CGGBP1: variants seen among roughly 807,000 people sequenced by gnomAD.
The protein encoded by CGGBP1 is CGG triplet repeat binding protein 1.
Under a neutral mutation model 11.4 loss-of-function variants are expected in CGGBP1, and 4 were observed. That is an observed-to-expected ratio of 0.35 (90% confidence interval 0.17 to 0.80). CGGBP1 has a LOEUF of 0.80. Ranked by LOEUF, CGGBP1 falls within the 30% of genes least tolerant of loss-of-function variation. CGGBP1 has a pLI of 0.52. For synonymous variants in CGGBP1, 76 were observed against 74.1 expected (o/e 1.03, Z -0.13); for missense variants, 135 against 202.1 (o/e 0.67, Z 2.01).
At chr3:88,146,349 A>G (rs1707312022) in intron 1 of CGGBP1, among the ~76,000 whole-genome samples, 1 of 152,208 alleles carries the variant, frequency 6.6e-6, no homozygotes, top group African/African-American at 2.4e-5. Context: ...CAAGACATTT[A>G]AACAAGTCCC....
intron 2 of CGGBP1, among the ~76,000 whole-genome samples, chr3:88,105,097 C>T (rs1315939720): frequency 6.6e-6 from 1 of 152,160 alleles, no homozygotes; most frequent in East Asian, 1.9e-4. Context: ...CTGAGTTGCA[C>T]CACTGCACTC....
intron 2 of CGGBP1, chr3:88,095,735 CTTG>C: frequency 2.6e-6 from 1 of 391,030 alleles, no homozygotes; most frequent in Non-Finnish European, 4.9e-6. Flanking sequence ...TCTCCCCAGG[CTTG>C]TTATTTTAAC....
chr3:88,138,832 T>G, intron 2 of CGGBP1: 1 of 1,232,052 alleles, frequency 8.1e-7, no homozygotes, highest in Non-Finnish European at 1.0e-6. Context: ...CCAAATGATT[T>G]GGAGATCCTC....
At position 88,055,298 on chromosome 3, in the gene CGGBP1, A is replaced by C; in HGVS notation, c.*175T>G. 1.9e-6 allele frequency: 1 copy of C among 523,392 alleles called. No individual in the cohort carries two copies. The highest frequency in any genetic ancestry group is 3.1e-6 in the Non-Finnish European group (1 of 319,626). The allele number at this position is 523,392 out of a possible 1,614,324, so 32.4% of individuals were successfully genotyped here. A position where few individuals can be genotyped will look rare whatever the true frequency, so the allele number is the denominator to read the frequency against. ...CTTTATACCATTGGTGACTAAAATT[A>C]ACAATAAGTTTTGCAGTGAGGTGGT... On this transcript the variant is annotated 3_prime_UTR_variant, in exon 4 of 4. Coordinates refer to ENST00000482016, the MANE Select transcript of CGGBP1 (RefSeq NM_001008390.2). This position sits in a 1 kb window ranked among gnomAD's most constrained non-coding sequence, Gnocchi z 4.2.
upstream of CGGBP1, among the ~76,000 whole-genome samples, chr3:88,062,511 G>C (rs1215480359): frequency 6.6e-6 from 1 of 152,206 alleles, no homozygotes; most frequent in Non-Finnish European, 1.5e-5. Flanking sequence ...TCAAGAAGCA[G>C]ACTGTTATTG....
chr3:88,146,181 C>T (rs1172972747), intron 1 of CGGBP1, among the ~76,000 whole-genome samples: 3 of 152,110 alleles, frequency 2.0e-5, no homozygotes, highest in Admixed American at 1.3e-4. Flanking sequence ...AAATTGTGGT[C>T]AGGTTGGAGG....
chr3:88,057,760 T>C (rs1452678699), intron 2 of CGGBP1: 2 of 152,276 alleles, frequency 1.3e-5, no homozygotes, highest in Admixed American at 1.3e-4. Context: ...TCATTTGTGC[T>C]AATGTGAAAG....
chr3:88,120,414 C>G (rs1559723614), intron 2 of CGGBP1, among the ~76,000 whole-genome samples: 2 of 152,108 alleles, frequency 1.3e-5, no homozygotes, highest in Non-Finnish European at 2.9e-5. Flanking sequence ...TAAAGACTGC[C>G]TTATTAGGAA....
At chr3:88,090,230 T>C (rs1455148796) in intron 2 of CGGBP1, among the ~76,000 whole-genome samples, 4 of 152,192 alleles carry the variant, frequency 2.6e-5, no homozygotes, top group African/African-American at 7.2e-5. Context: ...TGTTATCATA[T>C]AAGGTAACAG....
intron 2 of CGGBP1, among the ~76,000 whole-genome samples, chr3:88,117,702 C>T (rs529479257): frequency 1.3e-5 from 2 of 152,100 alleles, no homozygotes; most frequent in South Asian, 4.1e-4. Context: ...TTGTAAAAAG[C>T]ACACACAATA....
chr3:88,116,557 T>TACACACACACACACACAC (rs745598873), intron 2 of CGGBP1, among the ~76,000 whole-genome samples: 12 of 25,502 alleles, frequency 4.7e-4, no homozygotes, highest in African/African-American at 1.1e-3. Flanking sequence ...TACATACATA[T>TACACACACACACACACAC]ATATACACAC....
upstream of CGGBP1, among the ~76,000 whole-genome samples, chr3:88,060,402 G>A (rs532102640): frequency 6.6e-6 from 1 of 152,096 alleles, no homozygotes; most frequent in Non-Finnish European, 1.5e-5. Context: ...TGTGTACTCT[G>A]CATTCTCATC....
At chr3:88,110,845 C>A (rs980267862) in intron 2 of CGGBP1, among the ~76,000 whole-genome samples, 1 of 152,086 alleles carries the variant, frequency 6.6e-6, no homozygotes, top group African/African-American at 2.4e-5. Flanking sequence ...TGCTGACTTC[C>A]TTAAAACTTC....
At position 88,055,051 on chromosome 3, in the gene CGGBP1, T is replaced by A. The variant is rs1051726240; in HGVS notation, c.*422A>T. Reference sequence around the variant, plus strand: ...AAGAGGATCCTCTAAAGAAAATAATTCCTTTAAGTTACTGTTAAGTGGTGT... The same window carrying A: ...AAGAGGATCCTCTAAAGAAAATAATACCTTTAAGTTACTGTTAAGTGGTGT... On this transcript the variant is annotated 3_prime_UTR_variant, in exon 4 of 4. Transcript: ENST00000482016. This position sits in a 1 kb window ranked among gnomAD's most constrained non-coding sequence, Gnocchi z 4.2. 1.3e-5 allele frequency: 2 copies of A among 154,724 alleles called. No individual in the cohort carries two copies. The highest frequency in any genetic ancestry group is 1.3e-4 in the Admixed American group (2 of 15,368). The allele number at this position is 154,724 out of a possible 1,614,324, so 9.6% of individuals were successfully genotyped here. A position where few individuals can be genotyped will look rare whatever the true frequency, so the allele number is the denominator to read the frequency against.
intron 2 of CGGBP1, among the ~76,000 whole-genome samples, chr3:88,123,747 C>T (rs575868773): frequency 6.6e-6 from 1 of 152,220 alleles, no homozygotes; most frequent in African/African-American, 2.4e-5. Context: ...ATGGATTGTC[C>T]CAGGACTGAG....
intron 2 of CGGBP1, among the ~76,000 whole-genome samples, chr3:88,092,383 T>C (rs1266933062): frequency 2.0e-5 from 3 of 152,170 alleles, no homozygotes; most frequent in South Asian, 2.1e-4. Context: ...CAAGCAGTTA[T>C]ACTTTTATAT....
upstream of CGGBP1, among the ~76,000 whole-genome samples, chr3:88,060,152 C>G (rs1706781526): frequency 6.6e-6 from 1 of 152,066 alleles, no homozygotes; most frequent in South Asian, 2.1e-4. Context: ...GACACACGCA[C>G]TCTTTTCTAA....
chr3:88,134,346 C>A (rs1706644185), intron 2 of CGGBP1, among the ~76,000 whole-genome samples: 1 of 151,988 alleles, frequency 6.6e-6, no homozygotes. Context: ...TATTTTAATA[C>A]TTTTAGATTA....
chr3:88,059,130 G>T (rs1464086969), upstream of CGGBP1: 2 of 1,102,108 alleles, frequency 1.8e-6, no homozygotes, highest in Non-Finnish European at 2.5e-6. Flanking sequence ...ATGATTGGCA[G>T]CTTGCGTCTT....
Sources: allele counts gnomAD v4.1 joint callset (sites outside exome capture counted in the v4.1 genomes callset), GRCh38; gene constraint gnomAD v4.1.1; non-coding constraint Gnocchi (gnomAD v3.1); transcripts MANE v1.5; gene names NCBI Gene and HGNC (gene_info 2026-07-23, HGNC 2026-07-21).